Variants in NOTCH2 observed in about 807,000 individuals in gnomAD.
NOTCH2 encodes neurogenic locus notch homolog protein 2.
A neutral mutation model predicts 235.8 loss-of-function variants in NOTCH2; 29 were observed. The observed-to-expected ratio is 0.12, with a 90% CI of 0.09 to 0.17. The LOEUF is 0.17. NOTCH2 is among the 10% of genes least tolerant of loss of function. NOTCH2 has a pLI of 1.00. For synonymous variants in NOTCH2, 1,086 were observed against 1,141.5 expected (o/e 0.95, Z 0.98); for missense variants, 2,285 against 3,150.2 (o/e 0.73, Z 6.57).
At chr1:119,954,953 T>C (rs1401947960) in intron 13 of NOTCH2, 87 bp downstream of exon 13, 3 of 1,356,212 alleles carry the variant, frequency 2.2e-6, no homozygotes, top group South Asian at 1.2e-5. Context: ...AAAGCCCCAT[T>C]TGACAACTTC....
chr1:119,915,630 C>G lies in NOTCH2; in HGVS notation c.7092G>C (p.Gln2364His), dbSNP rs1479044901. ...PTAMMPQQDG[Q>H]VAQTILPAYH... ...AGGCTGGGAGAATGGTCTGAGCTAC[C>G]TGCCCGTCCTGCTGGGGCATCATGG... Residue 2364 changes from glutamine (Q) to histidine (H), a missense_variant, in exon 34 of 34, where the codon CAG (glutamine) becomes CAC (histidine). Around this residue, in one of 6 missense-constraint regions of NOTCH2, gnomAD observed 504 missense variants for 538.0 expected, o/e 0.94. Coordinates refer to ENST00000256646, the MANE Select transcript of NOTCH2 (RefSeq NM_024408.4). The G allele has an allele frequency of 6.2e-7, 1 of 1,614,032 alleles. No homozygotes were observed. The highest frequency in any genetic ancestry group is 8.5e-7 in the Non-Finnish European group (1 of 1,180,034).
Position 120,069,471 on chromosome 1 carries a change from G to A in NOTCH2, c.-65C>T, listed in dbSNP as rs782268808. On this transcript the variant is annotated 5_prime_UTR_variant, in exon 1 of 34. Coordinates refer to ENST00000256646, the MANE Select transcript of NOTCH2 (RefSeq NM_024408.4). ...CTGGGCAGATCCACATGGGGAGGGG[G>A]TCCCGATAGAGGAGCCCCACTCTCT... 108 of 1,506,448 alleles carry A rather than the reference G, an allele frequency of 7.2e-5. No individual in the cohort carries two copies. Among genetic ancestry groups the A allele is most frequent in the Non-Finnish European group, 9.0e-5 (102 of 1,137,054 alleles). The allele number at this position is 1,506,448 out of a possible 1,614,324, so 93.3% of individuals were successfully genotyped here. A position where few individuals can be genotyped will look rare whatever the true frequency, so the allele number is the denominator to read the frequency against.
intron 3 of NOTCH2, 193 bp downstream of exon 3, chr1:120,005,136 T>C: frequency 1.2e-6 from 1 of 824,006 alleles, no homozygotes; most frequent in Non-Finnish European, 2.0e-6. Flanking sequence ...TTTTTCTTTC[T>C]CTTTCTCTGC....
At chr1:119,924,688 T>C in intron 25 of NOTCH2, among the ~76,000 whole-genome samples, 1 of 152,136 alleles carries the variant, frequency 6.6e-6, no homozygotes, top group East Asian at 1.9e-4. Flanking sequence ...AGATTAGGAG[T>C]CAAAGAAACA....
chr1:119,975,088 C>T (rs1651519805), intron 5 of NOTCH2, among the ~76,000 whole-genome samples: 1 of 152,162 alleles, frequency 6.6e-6, no homozygotes, highest in Non-Finnish European at 1.5e-5. Flanking sequence ...GTGAAAATAG[C>T]TCAGTGCTGA....
chr1:119,973,768 G>A (rs587646564), intron 5 of NOTCH2, among the ~76,000 whole-genome samples: 13 of 152,220 alleles, frequency 8.5e-5, no homozygotes, highest in Admixed American at 7.8e-4. Flanking sequence ...TATGCTCTAC[G>A]GTCATTGAGC....
chr1:120,014,406 C>CA (rs58978608), intron 2 of NOTCH2, among the ~76,000 whole-genome samples: 322 of 148,458 alleles, frequency 2.2e-3, no homozygotes, highest in African/African-American at 3.3e-3. Context: ...AACCCCATCT[C>CA]AAAAAAAAAA....
At chr1:119,987,537 G>C (rs943324522) in intron 4 of NOTCH2, among the ~76,000 whole-genome samples, 1 of 152,052 alleles carries the variant, frequency 6.6e-6, no homozygotes. Flanking sequence ...AAGCCAGGTG[G>C]GGAAGGGAGT....
intron 16 of NOTCH2, 31 bp from the exon 17 acceptor site, chr1:119,948,597 T>C: frequency 6.2e-7 from 1 of 1,613,854 alleles, no homozygotes; most frequent in Non-Finnish European, 8.5e-7. Context: ...AATGACCTAG[T>C]CCTTGGAAGC....
rs375135826 is a variant in NOTCH2, at chr1:119,923,975, T to C, written c.4521A>G (p.Lys1507=). 2.5e-6 allele frequency: 4 copies of C among 1,613,384 alleles called. No homozygotes were observed. In the African/African-American group the frequency reaches 5.3e-5, roughly 22 times the overall value. Reference sequence around the variant, plus strand: ...TGTCTTTGAAGTGGTCTGCACAGTATTTGTCATACCTAGGTAAGGGGAAGC... The same window carrying C: ...TGTCTTTGAAGTGGTCTGCACAGTACTTGTCATACCTAGGTAAGGGGAAGC... ...QGNSKTCKYD[K]YCADHFKDNH... Residue 1507 remains lysine, a synonymous_variant, in exon 26 of 34, where the codon AAA becomes AAG. Transcript: ENST00000256646.
At chr1:119,935,744 CA>C in intron 21 of NOTCH2, 140 bp from the exon 22 acceptor site, 1 of 904,100 alleles carries the variant, frequency 1.1e-6, no homozygotes, top group Non-Finnish European at 1.7e-6. Flanking sequence ...CTGGAACCAT[CA>C]CACTCTCTGC....
At chr1:120,007,088 G>T (rs1553206397) in intron 2 of NOTCH2, among the ~76,000 whole-genome samples, 1 of 152,200 alleles carries the variant, frequency 6.6e-6, no homozygotes, top group Non-Finnish European at 1.5e-5. Flanking sequence ...GATAAGCATG[G>T]CGGAGCAAGG....
chr1:120,030,207 T>C (rs1654040079), intron 1 of NOTCH2, among the ~76,000 whole-genome samples: 1 of 152,168 alleles, frequency 6.6e-6, no homozygotes, highest in Non-Finnish European at 1.5e-5. Context: ...ATGATGCTCT[T>C]ATTTCTCTGT....
rs202141559 is a variant in NOTCH2 at position 120,000,838 on chromosome 1, A to C, written c.416-3506T>G. ...ATACCATCATCGTCATGATGGAGAT[A>C]ATGGATCATCCTAACTACCCTCTAC... On this transcript the variant is annotated intron_variant, in intron 3 of 33. Transcript: ENST00000256646. Among the ~76,000 whole-genome samples, 17 of 152,274 alleles carry C rather than the reference A, an allele frequency of 1.1e-4. No individual in the cohort carries two copies. In the South Asian group the frequency reaches 1.7e-3, roughly 15 times the overall value.
At chr1:119,958,714 A>ATGTGTGTGTGTGTGTG (rs10546889) in intron 12 of NOTCH2, among the ~76,000 whole-genome samples, 2 of 149,748 alleles carry the variant, frequency 1.3e-5, no homozygotes, top group Non-Finnish European at 1.5e-5. Context: ...GAGAGAGAAG[A>ATGTGTGTGTGTGTGTG]TGTGTGTGTG....
chr1:119,967,816 T>C (rs1651202415), intron 7 of NOTCH2, among the ~76,000 whole-genome samples, 195 bp from the exon 8 acceptor site: 1 of 152,240 alleles, frequency 6.6e-6, no homozygotes, highest in Admixed American at 6.5e-5. Context: ...ATTTCTGCTA[T>C]TGCAGTTTCT....
chr1:119,945,898 T>C (rs1391048838), intron 17 of NOTCH2, among the ~76,000 whole-genome samples: 2 of 151,992 alleles, frequency 1.3e-5, no homozygotes, highest in Non-Finnish European at 2.9e-5. Flanking sequence ...CAATTTGAAT[T>C]AATAACATTT....
intron 4 of NOTCH2, among the ~76,000 whole-genome samples, chr1:119,987,944 G>T (rs1652084551): frequency 6.6e-6 from 1 of 151,968 alleles, no homozygotes; most frequent in African/African-American, 2.4e-5. Context: ...TTATATGTTG[G>T]GCCTCTTACT....
Position 119,969,712 on chromosome 1 carries a change from G to A in NOTCH2, c.907C>T (p.Leu303=). ...TTTTGACAGGCATTGGGCTGCAGCA[G>A]GCATTCATCCACATCCTCTGTGCAG... ...QFCTEDVDEC[L]LQPNACQNGG... is the part of the protein sequence containing the mutation. Residue 303 remains leucine (L), a synonymous_variant, in exon 6 of 34, where the codon CTG becomes TTG. Transcript: ENST00000256646. 1 of 1,614,122 alleles carries A rather than the reference G, an allele frequency of 6.2e-7. No homozygotes were observed. The highest frequency in any genetic ancestry group is 8.5e-7 in the Non-Finnish European group (1 of 1,179,998).
Sources: gnomAD v4.1 joint callset for allele counts (sites outside exome capture counted in the v4.1 genomes callset) on GRCh38, gnomAD v4.1.1 for gene constraint, gnomAD v4.1.1 regional missense constraint, MANE v1.5 for transcripts, NCBI Gene and HGNC (gene_info 2026-07-23, HGNC 2026-07-21) for gene names.